The following NCAM2 variants were observed in gnomAD, a reference collection of about 807,000 sequenced individuals.
The protein encoded by NCAM2 is N-CAM-2.
In NCAM2, 30 loss-of-function variants were observed where a neutral mutation model predicts 98.1. The observed-to-expected ratio is 0.31, with a 90% CI of 0.23 to 0.41. The LOEUF is 0.41. Ranked by LOEUF, NCAM2 falls within the 10% of genes least tolerant of loss-of-function variation. NCAM2 has a pLI of 1.00. For synonymous variants in NCAM2, 368 were observed against 342.4 expected (o/e 1.07, Z -0.83); for missense variants, 867 against 1,005.8 (o/e 0.86, Z 1.87).
intron 1 of NCAM2, among the ~76,000 whole-genome samples, chr21:21,045,006 A>C (rs1282048774): frequency 1.3e-5 from 2 of 152,324 alleles, no homozygotes; most frequent in Non-Finnish European, 1.5e-5. Context: ...ATATCTATAT[A>C]TAAAAACACA....
rs145936314 is a variant in NCAM2 at position 21,405,415 on chromosome 21, A to G, written c.1196-4859A>G. Reference sequence around the variant, plus strand: ...TCATAAATGTCCTAATTGAAAGTTGATTATAGAACCTAACTTTGGCGAGGT... The same window carrying G: ...TCATAAATGTCCTAATTGAAAGTTGGTTATAGAACCTAACTTTGGCGAGGT... On this transcript the variant is annotated intron_variant, in intron 9 of 17. Transcript: ENST00000400546. 2.4e-3 allele frequency among the ~76,000 whole-genome samples: 359 copies of G among 152,272 alleles called. 2 individuals carry two copies. The Middle Eastern group carries it at 0.024, about 10-fold the overall frequency.
chr21:21,378,947 A>G (rs2076091364), intron 9 of NCAM2, among the ~76,000 whole-genome samples: 1 of 141,732 alleles, frequency 7.1e-6, no homozygotes, highest in Non-Finnish European at 1.6e-5. Flanking sequence ...CTGGACTTTT[A>G]CATGTTATAC....
At chr21:21,511,981 T>G (rs1427903865) in intron 16 of NCAM2, among the ~76,000 whole-genome samples, 1 of 151,952 alleles carries the variant, frequency 6.6e-6, no homozygotes, top group Non-Finnish European at 1.5e-5. Context: ...GAGATGCTCG[T>G]ATATACTGGT....
At chr21:21,065,571 A>C (rs956852497) in intron 1 of NCAM2, among the ~76,000 whole-genome samples, 18 of 152,160 alleles carry the variant, frequency 1.2e-4, no homozygotes, top group Non-Finnish European at 5.9e-5. Context: ...TTAATCATGT[A>C]AGTATCTCGT....
chr21:21,129,011 A>G (rs1451166194), intron 1 of NCAM2, among the ~76,000 whole-genome samples: 3 of 152,108 alleles, frequency 2.0e-5, no homozygotes, highest in African/African-American at 7.2e-5. Flanking sequence ...GACAGCCAAG[A>G]ACAACAAATA....
At chr21:21,430,259 C>G (rs1167261798) in intron 11 of NCAM2, among the ~76,000 whole-genome samples, 1 of 151,770 alleles carries the variant, frequency 6.6e-6, no homozygotes, top group Non-Finnish European at 1.5e-5. Context: ...AACTCCTGAC[C>G]TCAAGTAATC....
chr21:21,165,005 A>G (rs964775801), intron 1 of NCAM2, among the ~76,000 whole-genome samples: 25 of 152,160 alleles, frequency 1.6e-4, no homozygotes, highest in Non-Finnish European at 1.5e-5. Context: ...TTTAATTCTC[A>G]TAACAGCCTT....
intron 17 of NCAM2, among the ~76,000 whole-genome samples, chr21:21,537,050 A>C (rs375486233): frequency 2.8e-4 from 42 of 152,172 alleles, no homozygotes; most frequent in African/African-American, 9.2e-4. Flanking sequence ...AGTTCTAAGG[A>C]ATATTGTTAA....
rs556269479 is a variant in NCAM2, at chr21:21,347,340, A to G, written c.1044+8806A>G. ...TTTCTAAAATTTATATAGAACCCCA[A>G]AAGACTCAGAATAGCCAAAGCTGTC... On this transcript the variant is annotated intron_variant, in intron 8 of 17. Transcript: ENST00000400546. Among the ~76,000 whole-genome samples the G allele has an allele frequency of 2.9e-3, 443 of 152,128 alleles. 2 individuals carry two copies. Among genetic ancestry groups the G allele is most frequent in the African/African-American group, 0.01 (423 of 41,556 alleles).
intron 15 of NCAM2, among the ~76,000 whole-genome samples, chr21:21,498,158 T>C (rs1987377449): frequency 6.6e-6 from 1 of 152,120 alleles, no homozygotes; most frequent in African/African-American, 2.4e-5. Flanking sequence ...AACTTGTGTG[T>C]GATTCTAAAA....
chr21:21,395,595 G>T (rs1388002718), intron 9 of NCAM2, among the ~76,000 whole-genome samples: 2 of 152,006 alleles, frequency 1.3e-5, no homozygotes, highest in East Asian at 1.9e-4. Context: ...ACATCTGGAG[G>T]CAACACATTA....
At chr21:21,430,029 T>C (rs1482601566) in intron 11 of NCAM2, among the ~76,000 whole-genome samples, 1 of 152,126 alleles carries the variant, frequency 6.6e-6, no homozygotes, top group Non-Finnish European at 1.5e-5. Context: ...ATTTTTTATT[T>C]GTATTTATTT....
intron 11 of NCAM2, among the ~76,000 whole-genome samples, chr21:21,423,764 T>A (rs1231867331): frequency 6.6e-6 from 1 of 152,124 alleles, no homozygotes; most frequent in Non-Finnish European, 1.5e-5. Flanking sequence ...TGAAACCCTG[T>A]CAAATTCAAT....
chr21:21,365,550 A>G (rs955775985), intron 8 of NCAM2, among the ~76,000 whole-genome samples: 2 of 152,020 alleles, frequency 1.3e-5, no homozygotes, highest in South Asian at 2.1e-4. Context: ...AGGTGAAAAA[A>G]ATAACCCATA....
intron 8 of NCAM2, among the ~76,000 whole-genome samples, chr21:21,352,739 AGAAG>A (rs1369020704): frequency 8.7e-4 from 131 of 150,108 alleles, no homozygotes; most frequent in African/African-American, 3.0e-3. Context: ...TTATACATTT[AGAAG>A]AATGTATAAC....
At chr21:21,224,804 A>G (rs2070315354) in intron 1 of NCAM2, among the ~76,000 whole-genome samples, 1 of 152,160 alleles carries the variant, frequency 6.6e-6, no homozygotes, top group Non-Finnish European at 1.5e-5. Flanking sequence ...TAGCAATTGT[A>G]AAACCATTAA....
intron 6 of NCAM2, among the ~76,000 whole-genome samples, chr21:21,329,023 C>T (rs1348278701): frequency 1.3e-5 from 2 of 149,862 alleles, no homozygotes; most frequent in African/African-American, 4.9e-5. Flanking sequence ...GGTGCAATCT[C>T]GGCTCACTGC....
At position 21,457,872 on chromosome 21, in the gene NCAM2, T is replaced by G. The variant is rs192650756; in HGVS notation, c.1655-8734T>G. 1.8e-4 allele frequency among the ~76,000 whole-genome samples: 28 copies of G among 152,276 alleles called. No individual in the cohort carries two copies. In the East Asian group the frequency reaches 5.0e-3, roughly 27 times the overall value. On this transcript the variant is annotated intron_variant, in intron 12 of 17. Transcript: ENST00000400546. ...AAAGGATGCAGAACTTTTTACCGTA[T>G]CCATTTTGTAACAAATGAGAAAAAC... is the stretch of plus-strand genomic sequence containing the variant.
chr21:21,477,097 T>G (rs1985266009), intron 14 of NCAM2, among the ~76,000 whole-genome samples, 194 bp from the exon 15 acceptor site: 1 of 152,084 alleles, frequency 6.6e-6, no homozygotes, highest in Non-Finnish European at 1.5e-5. Context: ...ATAAACAACA[T>G]TATATTTTAT....
Sources: allele counts gnomAD v4.1 joint callset (sites outside exome capture counted in the v4.1 genomes callset), GRCh38; gene constraint gnomAD v4.1.1; transcripts MANE v1.5; gene names NCBI Gene and HGNC (gene_info 2026-07-23, HGNC 2026-07-21).